MEIKIN: variants seen among roughly 807,000 people sequenced by gnomAD.
MEIKIN encodes the protein meiotic kinetochore factor.
intron 9 of MEIKIN, among the ~76,000 whole-genome samples, chr5:131,869,888 T>C (rs1204486008): frequency 1.3e-5 from 2 of 152,250 alleles, no homozygotes; most frequent in Non-Finnish European, 2.9e-5. Flanking sequence ...CTCCTGTCTG[T>C]CTCTTCAATA....
chr5:131,816,387 C>T (rs1773099351), intron 12 of MEIKIN, among the ~76,000 whole-genome samples: 2 of 152,134 alleles, frequency 1.3e-5, no homozygotes, highest in South Asian at 2.1e-4. Context: ...GAGATTATCC[C>T]TGATAATATA....
chr5:131,869,960 CT>C (rs1470019454), intron 9 of MEIKIN, among the ~76,000 whole-genome samples: 1 of 152,178 alleles, frequency 6.6e-6, no homozygotes, highest in Non-Finnish European at 1.5e-5. Flanking sequence ...AAACTGGTGA[CT>C]TTTCAGTTTT....
chr5:131,931,245 A>C (rs1048097430), intron 5 of MEIKIN, among the ~76,000 whole-genome samples: 2 of 152,206 alleles, frequency 1.3e-5, no homozygotes, highest in Non-Finnish European at 2.9e-5. Context: ...GTGTGACAGA[A>C]GGTAGTCCCA....
chr5:131,921,840 T>C lies in MEIKIN; in HGVS notation c.580A>G (p.Asn194Asp). The change falls in exon 6 of 13, where the codon AAT (asparagine) becomes GAT (aspartate). Residue 194 changes from asparagine to aspartate, a missense_variant. Transcript: ENST00000442687. The stretch of plus-strand genomic sequence containing the variant: ...AACTCACTGAAAATTGCTGAGACAT[T>C]TGAAAACTGTGGTGCCTTCTCTATC... ...VAIEKAPQFS[N>D]VSAIFSTSSE... is the part of the protein sequence containing the mutation. 1 of 399,026 alleles carries C rather than the reference T, an allele frequency of 2.5e-6. No individual in the cohort carries two copies. Among genetic ancestry groups the C allele is most frequent in the Non-Finnish European group, 4.4e-6 (1 of 226,040 alleles). 24.7% of individuals were successfully genotyped at this position (399,026 alleles called of 1,614,324 possible).
chr5:131,824,145 G>A (rs1160777500), intron 11 of MEIKIN, among the ~76,000 whole-genome samples: 1 of 152,158 alleles, frequency 6.6e-6, no homozygotes, highest in Non-Finnish European at 1.5e-5. Flanking sequence ...CCTTGCCCAT[G>A]GCCTTTCCCT....
rs530483606 is a variant in MEIKIN at position 131,837,602 on chromosome 5, T to G, written c.975+13662A>C. Among the ~76,000 whole-genome samples, 17 of 152,240 alleles carry G rather than the reference T, an allele frequency of 1.1e-4. No homozygotes were observed. In the South Asian group the frequency reaches 3.5e-3, roughly 32 times the overall value. On this transcript the variant is annotated intron_variant, in intron 11 of 12. Transcript: ENST00000442687. ...CTAGTTAGCTGTATTCCTAGGTATT[T>G]TATTCTTTTTCTGGCAATTCTGAAT...
intron 11 of MEIKIN, among the ~76,000 whole-genome samples, chr5:131,847,852 A>C (rs768968514): frequency 6.6e-6 from 1 of 152,148 alleles, no homozygotes; most frequent in Non-Finnish European, 1.5e-5. Flanking sequence ...GAATGAAGTC[A>C]TTAAAAAAAA....
At chr5:131,812,019 G>A (rs374895681) in intron 12 of MEIKIN, among the ~76,000 whole-genome samples, 7 of 151,940 alleles carry the variant, frequency 4.6e-5, no homozygotes, top group Admixed American at 2.6e-4. Context: ...CAACATTATC[G>A]GCACCCTAGA....
At chr5:131,888,167 C>T (rs1750836442) in intron 8 of MEIKIN, among the ~76,000 whole-genome samples, 5 of 147,058 alleles carry the variant, frequency 3.4e-5, no homozygotes, top group African/African-American at 7.8e-5. Flanking sequence ...CCTCAATAAA[C>T]ATACGTGTGC....
intron 9 of MEIKIN, among the ~76,000 whole-genome samples, chr5:131,872,437 A>C (rs1372810532): frequency 1.3e-5 from 2 of 152,218 alleles, no homozygotes; most frequent in East Asian, 3.8e-4. Flanking sequence ...GTGAGAAGAG[A>C]AGTTTAGAGA....
intron 8 of MEIKIN, among the ~76,000 whole-genome samples, chr5:131,888,843 G>A (rs1750852756): frequency 6.6e-6 from 1 of 152,096 alleles, no homozygotes; most frequent in African/African-American, 2.4e-5. Context: ...TATGGCTTTA[G>A]GTCTAACATG....
In MEIKIN at chr5:131,854,976, A is replaced by G. The variant is rs1750170432; in HGVS notation, c.775-142T>C. On this transcript the variant is annotated intron_variant, in intron 9 of 12. Coordinates refer to ENST00000442687, the MANE Select transcript of MEIKIN (RefSeq NM_001303622.2). Reference sequence around the variant, plus strand: ...ATCCTTAATCTGTTCATTAAATTTTAAACCACTTCACAGGAAACTAAAGAA... The same window carrying G: ...ATCCTTAATCTGTTCATTAAATTTTGAACCACTTCACAGGAAACTAAAGAA... The G allele has an allele frequency of 7.9e-6, 3 of 379,526 alleles. No individual in the cohort carries two copies. The South Asian group carries it at 4.4e-4, about 55-fold the overall frequency. The allele number at this position is 379,526 out of a possible 1,614,324, so 23.5% of individuals were successfully genotyped here.
rs553740893 is a variant in MEIKIN at position 131,892,429 on chromosome 5, T to A, written c.704-13381A>T. Among the ~76,000 whole-genome samples, 19 of 152,326 alleles carry A rather than the reference T, an allele frequency of 1.2e-4. No individual in the cohort carries two copies. In the Middle Eastern group the frequency reaches 0.017, roughly 136 times the overall value. On this transcript the variant is annotated intron_variant, in intron 8 of 12. Coordinates refer to ENST00000442687, the MANE Select transcript of MEIKIN (RefSeq NM_001303622.2). ...TTGTTCGTTTCTTTTTATTCTTTTT[T>A]CTCTAAAATTCTCTTCTCACTTCAT...
chr5:131,872,684 G>C (rs1271582474), intron 9 of MEIKIN, among the ~76,000 whole-genome samples: 1 of 152,124 alleles, frequency 6.6e-6, no homozygotes, highest in South Asian at 2.1e-4. Flanking sequence ...GCAACTCCAA[G>C]ACACATAATT....
At chr5:131,841,478 C>G (rs1230303626) in intron 11 of MEIKIN, among the ~76,000 whole-genome samples, 1 of 152,192 alleles carries the variant, frequency 6.6e-6, no homozygotes, top group Non-Finnish European at 1.5e-5. Context: ...TACTGTTACA[C>G]AGGTATAGAC....
intron 11 of MEIKIN, among the ~76,000 whole-genome samples, chr5:131,838,083 C>G (rs757932274): frequency 8.6e-5 from 13 of 152,016 alleles, no homozygotes; most frequent in Non-Finnish European, 2.9e-5. Context: ...TGAATTTTAT[C>G]AAAAACCTCT....
chr5:131,839,309 TGAG>T (rs796280348), intron 11 of MEIKIN, among the ~76,000 whole-genome samples: 111 of 152,314 alleles, frequency 7.3e-4, no homozygotes, highest in African/African-American at 2.5e-3. Flanking sequence ...CATGTGGTGA[TGAG>T]GAGAATATAT....
chr5:131,932,607 C>T (rs1216079076), intron 5 of MEIKIN, among the ~76,000 whole-genome samples: 1 of 152,184 alleles, frequency 6.6e-6, no homozygotes, highest in Non-Finnish European at 1.5e-5. Flanking sequence ...ATACTCCACC[C>T]ATTACGAGGG....
intron 10 of MEIKIN, among the ~76,000 whole-genome samples, chr5:131,854,351 T>C (rs1407188121): frequency 3.3e-5 from 5 of 152,222 alleles, no homozygotes; most frequent in Non-Finnish European, 7.4e-5. Context: ...GAGCAGGAAG[T>C]TACTGTTTAA....
Sources: allele counts gnomAD v4.1 joint callset (sites outside exome capture counted in the v4.1 genomes callset), GRCh38; gene constraint gnomAD v4.1.1; transcripts MANE v1.5; gene names NCBI Gene and HGNC (gene_info 2026-07-23, HGNC 2026-07-21).